UIMC1: variants seen among roughly 807,000 people sequenced by gnomAD.
The protein encoded by UIMC1 is BRCA1-A complex subunit RAP80.
Under a neutral mutation model 84.9 loss-of-function variants are expected in UIMC1, and 42 were observed. The observed-to-expected ratio is 0.49, with a 90% CI of 0.39 to 0.64. The LOEUF (loss-of-function observed/expected upper bound fraction) is 0.64. Ranked by LOEUF, UIMC1 falls within the 30% of genes least tolerant of loss-of-function variation. The pLI is 0.00. For synonymous variants in UIMC1, 281 were observed against 293.0 expected (o/e 0.96, Z 0.42); for missense variants, 825 against 847.6 (o/e 0.97, Z 0.33).
intron 1 of UIMC1, among the ~76,000 whole-genome samples, chr5:176,996,621 T>C (rs563897345): frequency 5.3e-5 from 8 of 152,250 alleles, no homozygotes; most frequent in Admixed American, 2.0e-4. Context: ...AAGAATACCA[T>C]GAGTCTCTGT....
At chr5:176,961,345 C>T (rs1427276370) in intron 6 of UIMC1, among the ~76,000 whole-genome samples, 2 of 19,460 alleles carry the variant, frequency 1.0e-4, no homozygotes, top group Non-Finnish European at 1.7e-4. Context: ...AGGTGAGGAG[C>T]GTCTCTGCCC....
At chr5:176,960,876 G>A (rs1441375870) in intron 6 of UIMC1, among the ~76,000 whole-genome samples, 2 of 60,242 alleles carry the variant, frequency 3.3e-5, no homozygotes, top group Non-Finnish European at 6.0e-5. Context: ...CGAGTGATCC[G>A]CCAACCTCGG....
In UIMC1 at chr5:177,001,811, G is replaced by A. The variant is rs1457386989; in HGVS notation, c.-9+4839C>T. ...AAAAAATACAAAACATTAGTGGGGC[G>A]AGGTAGCAGGCGCCTGCAGTCCCAG... On this transcript the variant is annotated intron_variant, in intron 1 of 14. Coordinates refer to ENST00000511320, the MANE Select transcript of UIMC1 (RefSeq NM_001199298.2). Among the ~76,000 whole-genome samples the A allele has an allele frequency of 1.4e-4, 21 of 151,500 alleles. No homozygotes were observed. The East Asian group carries it at 1.5e-3, about 11-fold the overall frequency.
chr5:176,978,017 AAG>A (rs1770410350), intron 2 of UIMC1, among the ~76,000 whole-genome samples: 1 of 152,100 alleles, frequency 6.6e-6, no homozygotes, highest in Non-Finnish European at 1.5e-5. Flanking sequence ...AGCAGAAAAA[AAG>A]ACTTTTTTTC....
At chr5:176,982,645 T>C (rs776880352) in intron 1 of UIMC1, 22 bp from the exon 2 acceptor site, 2 of 1,597,642 alleles carry the variant, frequency 1.3e-6, no homozygotes, top group South Asian at 1.1e-5. Context: ...GGACAATAAT[T>C]TTGTCTAGAA....
intron 12 of UIMC1, among the ~76,000 whole-genome samples, chr5:176,907,787 T>C (rs1759588885): frequency 6.6e-6 from 1 of 152,210 alleles, no homozygotes; most frequent in South Asian, 2.1e-4. Flanking sequence ...ATAAATTGGA[T>C]ATCCTTTCCG....
chr5:176,995,467 T>C (rs1204696052), intron 1 of UIMC1, among the ~76,000 whole-genome samples: 1 of 147,418 alleles, frequency 6.8e-6, no homozygotes, highest in East Asian at 2.0e-4. Context: ...GAGAATTGAA[T>C]TGCTTGAACT....
chr5:177,007,340 CAAAA>C (rs56871601), upstream of UIMC1, among the ~76,000 whole-genome samples: 10 of 58,414 alleles, frequency 1.7e-4, no homozygotes, highest in South Asian at 1.2e-3. Context: ...GACTCCGTCT[CAAAA>C]AAAAAAAAAA....
chr5:176,985,315 G>T (rs1771797097), intron 1 of UIMC1, among the ~76,000 whole-genome samples: 1 of 151,944 alleles, frequency 6.6e-6, no homozygotes, highest in Non-Finnish European at 1.5e-5. Flanking sequence ...CATTAGCCGG[G>T]CGTGGTAGCG....
intron 5 of UIMC1, 140 bp downstream of exon 5, chr5:176,969,461 G>T (rs1768865554): frequency 4.0e-6 from 5 of 1,264,546 alleles, no homozygotes; most frequent in Non-Finnish European, 5.5e-6. Context: ...ATATTCTTAT[G>T]ATCTCAACTA....
chr5:176,948,355 A>G (rs543505478), intron 9 of UIMC1, among the ~76,000 whole-genome samples: 1 of 152,348 alleles, frequency 6.6e-6, no homozygotes, highest in East Asian at 1.9e-4. Context: ...ACAAAGCAGT[A>G]AAATAATATG....
At chr5:176,946,327 C>A (rs1765100381) in intron 9 of UIMC1, among the ~76,000 whole-genome samples, 2 of 152,134 alleles carry the variant, frequency 1.3e-5, no homozygotes, top group African/African-American at 4.8e-5. Flanking sequence ...CCCTGACCAA[C>A]ATAGCGAAAC....
intron 1 of UIMC1, among the ~76,000 whole-genome samples, chr5:177,021,084 C>A (rs1775796914): frequency 6.6e-6 from 1 of 152,018 alleles, no homozygotes; most frequent in South Asian, 2.1e-4. Flanking sequence ...TTGAGATCAG[C>A]CTAGCTAACA....
At chr5:176,905,760 A>C (rs1759277527) in intron 14 of UIMC1, 1 of 622,646 alleles carries the variant, frequency 1.6e-6, no homozygotes, top group South Asian at 2.1e-5. Flanking sequence ...CCAGGGTTGG[A>C]TGGGGATAGA....
rs1581579214 is a variant in UIMC1, at chr5:176,968,779, G to A, written c.976C>T (p.Pro326Ser). The A allele has an allele frequency of 1.2e-6, 2 of 1,614,132 alleles. No individual in the cohort carries two copies. ...NKKGFGEPVL[P>S]RPPSLIQNEC... ...TTCTGGATCAGAGAAGGAGGTCTAG[G>A]TAACACTGGTTCCCCAAAACCTTTT... is the stretch of plus-strand genomic sequence containing the variant. The change falls in exon 6 of 15, where the codon CCT becomes TCT. Residue 326 changes from proline to serine, a missense_variant. Coordinates refer to ENST00000511320, the MANE Select transcript of UIMC1 (RefSeq NM_001199298.2).
At chr5:176,942,439 G>T (rs535503481) in intron 10 of UIMC1, among the ~76,000 whole-genome samples, 1 of 152,002 alleles carries the variant, frequency 6.6e-6, no homozygotes, top group Non-Finnish European at 1.5e-5. Flanking sequence ...AAGTTAATAC[G>T]TTAAAAGATG....
At position 176,986,924 on chromosome 5, in the gene UIMC1, A is replaced by T. The variant is rs1262895703; in HGVS notation, c.-8-4301T>A. On this transcript the variant is annotated intron_variant, in intron 1 of 14. Transcript: ENST00000511320. ...AAAAAAAAACACTAAGAAACACATT[A>T]AAAAACTATTATAGGCCAGGTACAG... Among the ~76,000 whole-genome samples the T allele has an allele frequency of 3.9e-5, 6 of 152,184 alleles. No homozygotes were observed. In the East Asian group the frequency reaches 1.2e-3, roughly 29 times the overall value.
At chr5:176,956,737 T>C (rs1445040485) in intron 7 of UIMC1, among the ~76,000 whole-genome samples, 1 of 151,696 alleles carries the variant, frequency 6.6e-6, no homozygotes, top group African/African-American at 2.4e-5. Context: ...TACGATTAGT[T>C]TGATCAAGTA....
chr5:177,006,941 A>G (rs189088079), upstream of UIMC1, among the ~76,000 whole-genome samples: 1 of 152,354 alleles, frequency 6.6e-6, no homozygotes, highest in Admixed American at 6.5e-5. Flanking sequence ...CAACAGACTC[A>G]GAGATAGCTG....
Sources: gnomAD v4.1 joint callset for allele counts (sites outside exome capture counted in the v4.1 genomes callset) on GRCh38, gnomAD v4.1.1 for gene constraint, MANE v1.5 for transcripts, NCBI Gene and HGNC (gene_info 2026-07-23, HGNC 2026-07-21) for gene names.